GRB10: variants seen among roughly 807,000 people sequenced by gnomAD.
GRB10 encodes growth factor receptor bound protein 10, also known as growth factor receptor-bound protein 10.
GRB10 carries 20 observed loss-of-function variants against 80.9 expected under a neutral mutation model. That is an observed-to-expected ratio of 0.25 (90% CI 0.17 to 0.36). The LOEUF (loss-of-function observed/expected upper bound fraction) is 0.36, where lower values mean the gene tolerates loss of function less well. GRB10 is among the 10% of genes least tolerant of loss of function. GRB10 has a pLI of 1.00. For synonymous variants in GRB10, 291 were observed against 291.5 expected (o/e 1.00, Z 0.02); for missense variants, 548 against 747.7 (o/e 0.73, Z 3.12).
chr7:50,656,432 C>T (rs2237455), intron 7 of GRB10, among the ~76,000 whole-genome samples: 52,590 of 152,080 alleles, frequency 0.35, 9,371 homozygotes, highest in Middle Eastern at 0.51. Context: ...GTCAGAGACC[C>T]GATGTGGTGA....
intron 7 of GRB10, among the ~76,000 whole-genome samples, chr7:50,669,383 A>C (rs1475987097): frequency 6.6e-6 from 1 of 152,122 alleles, no homozygotes; most frequent in African/African-American, 2.4e-5. Context: ...CAAGGGGAGG[A>C]GATGACACGC....
intron 7 of GRB10, among the ~76,000 whole-genome samples, chr7:50,652,916 T>C (rs2058163501): frequency 6.6e-6 from 1 of 152,232 alleles, no homozygotes. Context: ...ATTCCTGCCC[T>C]CAACAACACA....
intron 3 of GRB10, among the ~76,000 whole-genome samples, chr7:50,733,701 C>T (rs776096874): frequency 2.0e-5 from 3 of 152,242 alleles, no homozygotes; most frequent in Non-Finnish European, 4.4e-5. Context: ...CCTCAGCCTT[C>T]TCCGGCTCAC....
intron 7 of GRB10, among the ~76,000 whole-genome samples, chr7:50,655,761 G>A (rs2058581188): frequency 6.6e-6 from 1 of 152,168 alleles, no homozygotes; most frequent in Admixed American, 6.5e-5. Flanking sequence ...CTAAGGCCCT[G>A]GCTTCCTAGG....
chr7:50,641,942 G>A (rs2153607636), intron 7 of GRB10, among the ~76,000 whole-genome samples: 1 of 152,306 alleles, frequency 6.6e-6, no homozygotes, highest in South Asian at 2.1e-4. Flanking sequence ...AGAGTACCAG[G>A]AAGTCTGCAC....
intron 17 of GRB10, among the ~76,000 whole-genome samples, chr7:50,597,114 A>T (rs2046795817): frequency 6.6e-6 from 1 of 152,232 alleles, no homozygotes; most frequent in African/African-American, 2.4e-5. Context: ...GGTAAAAGAA[A>T]TATATTTTAC....
chr7:50,680,308 G>C (rs527266677), intron 5 of GRB10, among the ~76,000 whole-genome samples: 4 of 152,322 alleles, frequency 2.6e-5, no homozygotes, highest in South Asian at 2.1e-4. Flanking sequence ...GTGTTTATAA[G>C]AGAAACTTCC....
At chr7:50,674,971 T>C (rs75100799) in intron 5 of GRB10, among the ~76,000 whole-genome samples, 1 of 151,774 alleles carries the variant, frequency 6.6e-6, no homozygotes, top group African/African-American at 2.4e-5. Flanking sequence ...CCCCACCCCC[T>C]CCGGTAGGCC....
chr7:50,742,978 C>A (rs2072170297), intron 3 of GRB10, among the ~76,000 whole-genome samples: 1 of 152,128 alleles, frequency 6.6e-6, no homozygotes, highest in Admixed American at 6.5e-5. Flanking sequence ...CTAACTGAAT[C>A]CTAAGTACTA....
intron 5 of GRB10, among the ~76,000 whole-genome samples, chr7:50,685,632 C>T (rs2153653424): frequency 6.6e-6 from 1 of 152,094 alleles, no homozygotes; most frequent in South Asian, 2.1e-4. Flanking sequence ...TAAAAGTATC[C>T]CAGAGGCCAG....
intron 15 of GRB10, 145 bp downstream of exon 15, chr7:50,605,145 T>C: frequency 1.6e-6 from 1 of 624,646 alleles, no homozygotes. Context: ...AAGGGCCAAC[T>C]GCTTCCTGCA....
chr7:50,716,047 C>G (rs1318950162), intron 4 of GRB10, among the ~76,000 whole-genome samples: 1 of 152,110 alleles, frequency 6.6e-6, no homozygotes, highest in East Asian at 1.9e-4. Context: ...GGAGAGCGCT[C>G]AAGAGAGGGG....
At chr7:50,750,624 T>C (rs567932742) in intron 3 of GRB10, among the ~76,000 whole-genome samples, 1 of 152,316 alleles carries the variant, frequency 6.6e-6, no homozygotes, top group South Asian at 2.1e-4. Flanking sequence ...CAGAACTATA[T>C]AGATGAGTAT....
chr7:50,766,605 T>C (rs888847532), intron 2 of GRB10, among the ~76,000 whole-genome samples: 4 of 150,200 alleles, frequency 2.7e-5, no homozygotes, highest in Admixed American at 6.7e-5. Context: ...GAGGAGTAAA[T>C]AGTTTGGAGT....
chr7:50,777,459 C>CACACACACACACACA (rs1554316338), intron 2 of GRB10, among the ~76,000 whole-genome samples: 1 of 150,374 alleles, frequency 6.7e-6, no homozygotes, highest in Non-Finnish European at 1.5e-5. Flanking sequence ...CACACACACA[C>CACACACACACACACA]CATTGCACAT....
chr7:50,716,687 T>G (rs998086185), intron 4 of GRB10, among the ~76,000 whole-genome samples: 1 of 152,080 alleles, frequency 6.6e-6, no homozygotes, highest in Non-Finnish European at 1.5e-5. Context: ...ATGAAAAATA[T>G]GTGGGCAGGA....
intron 5 of GRB10, among the ~76,000 whole-genome samples, chr7:50,677,705 C>G (rs2061106327): frequency 6.6e-6 from 1 of 152,212 alleles, no homozygotes; most frequent in African/African-American, 2.4e-5. Flanking sequence ...CCACTCTTAA[C>G]TTACCGTATT....
At chr7:50,641,103 T>G (rs1253333346) in intron 7 of GRB10, among the ~76,000 whole-genome samples, 1 of 152,078 alleles carries the variant, frequency 6.6e-6, no homozygotes, top group Non-Finnish European at 1.5e-5. Context: ...TTTTTGTCTT[T>G]CTTCCTCTCC....
At chr7:50,717,442 G>C (rs1242178909) in intron 4 of GRB10, among the ~76,000 whole-genome samples, 1 of 79,026 alleles carries the variant, frequency 1.3e-5, no homozygotes, top group African/African-American at 5.1e-5. Flanking sequence ...CACATGAGAA[G>C]CTTGAAGAGT....
Sources: gnomAD v4.1 joint callset for allele counts (sites outside exome capture counted in the v4.1 genomes callset) on GRCh38, gnomAD v4.1.1 for gene constraint, MANE v1.5 for transcripts, NCBI Gene and HGNC (gene_info 2026-07-23, HGNC 2026-07-21) for gene names.